The following SPRYD4 variants were observed in gnomAD, a reference collection of about 807,000 sequenced individuals.
SPRYD4 encodes the protein SPRY domain-containing protein 4.
In SPRYD4, 12 loss-of-function variants were observed where a neutral mutation model predicts 16.6. That is an observed-to-expected ratio of 0.72 (90% confidence interval 0.46 to 1.17). The LOEUF (loss-of-function observed/expected upper bound fraction) is 1.17. Ranked by LOEUF, SPRYD4 falls within the 50% of genes most tolerant of loss-of-function variation. The pLI is 0.00. For synonymous variants in SPRYD4, 98 were observed against 105.4 expected, an observed-to-expected ratio of 0.93 and a Z score of 0.43; for missense variants, 260 against 260.2, an observed-to-expected ratio of 1.00 and a Z score of 0.00.
Position 56,476,080 on chromosome 12 carries a change from G to A in SPRYD4, c.*6503G>A. 4 of 1,103,512 alleles carry A rather than the reference G, an allele frequency of 3.6e-6. No individual in the cohort carries two copies. The highest frequency in any genetic ancestry group is 1.5e-5 in the African/African-American group (1 of 65,058). The allele number at this position is 1,103,512 out of a possible 1,614,324, so 68.4% of individuals were successfully genotyped here. A position where few individuals can be genotyped will look rare whatever the true frequency, so the allele number is the denominator to read the frequency against. ...GTTCTAGTGTTAGTCTGGTCCTGCT[G>A]CTGCAAATGTGTTCAATTTTATAAT... On this transcript the variant is annotated 3_prime_UTR_variant, in exon 2 of 2. Transcript: ENST00000338146.
Position 56,477,890 on chromosome 12 carries a change from A to C in SPRYD4, c.*8313A>C, listed in dbSNP as rs1869962623. On this transcript the variant is annotated 3_prime_UTR_variant, in exon 2 of 2. Transcript: ENST00000338146. Reference sequence around the variant, plus strand: ...GGGAGATGGGGTGGGGATAAGGAGAAGGGGACAGCTGTAAGTACGGTCTGA... The same window carrying C: ...GGGAGATGGGGTGGGGATAAGGAGACGGGGACAGCTGTAAGTACGGTCTGA... 23 of 1,589,836 alleles carry C rather than the reference A, an allele frequency of 1.4e-5. No individual in the cohort carries two copies. Among genetic ancestry groups the C allele is most frequent in the Non-Finnish European group, 2.0e-5 (23 of 1,166,252 alleles).
At position 56,472,448 on chromosome 12, in the gene SPRYD4, TA is replaced by T; in HGVS notation, c.*2872del. ...TGGTAAGTGCCCATTTGAGGCAGGG[TA>T]CCTACTTCCTAGGACACTGCTCTTA... is the stretch of plus-strand genomic sequence containing the variant. On this transcript the variant is annotated 3_prime_UTR_variant, in exon 2 of 2. Transcript: ENST00000338146. 1.7e-6 allele frequency: 1 copy of T among 603,586 alleles called. No homozygotes were observed. The highest frequency in any genetic ancestry group is 2.8e-5 in the East Asian group (1 of 36,028). The allele number at this position is 603,586 out of a possible 1,614,324, so 37.4% of individuals were successfully genotyped here.
rs994016796 is a variant in SPRYD4 at position 56,471,158 on chromosome 12, C to G, written c.*1581C>G. ...AGAGTCCCTCCACCAGAGTATCTCTCTCATGATGGTTTCTTCAGGGAGAGG... is the reference window on the plus strand; with the variant it reads ...AGAGTCCCTCCACCAGAGTATCTCTGTCATGATGGTTTCTTCAGGGAGAGG... On this transcript the variant is annotated 3_prime_UTR_variant, in exon 2 of 2. Coordinates refer to ENST00000338146, the MANE Select transcript of SPRYD4 (RefSeq NM_207344.4). 2 of 426,326 alleles carry G rather than the reference C, an allele frequency of 4.7e-6. No homozygotes were observed. Among genetic ancestry groups the G allele is most frequent in the African/African-American group, 2.0e-5 (1 of 49,332 alleles). 26.4% of individuals were successfully genotyped at this position (426,326 alleles called of 1,614,324 possible). A position where few individuals can be genotyped will look rare whatever the true frequency, so the allele number is the denominator to read the frequency against.
rs1869955994 is a variant in SPRYD4 at position 56,477,832 on chromosome 12, C to A, written c.*8255C>A. 2.6e-6 allele frequency: 4 copies of A among 1,541,444 alleles called. No individual in the cohort carries two copies. The South Asian group carries it at 3.6e-5, about 14-fold the overall frequency. ...TGCTAGGGAGAAAGGCATGACAGGG[C>A]TAATCAGGAAGGGCAGAGAAACAAA... On this transcript the variant is annotated 3_prime_UTR_variant, in exon 2 of 2. Coordinates refer to ENST00000338146, the MANE Select transcript of SPRYD4 (RefSeq NM_207344.4).
rs1870005461 is a variant in SPRYD4 at position 56,478,310 on chromosome 12, A to G, written c.*8733A>G. Reference sequence around the variant, plus strand: ...AAGGGAGATGGATGTGGAGAAGAGGAACAGAGTTGAGGTTGAGGGTCAAGA... The same window carrying G: ...AAGGGAGATGGATGTGGAGAAGAGGGACAGAGTTGAGGTTGAGGGTCAAGA... On this transcript the variant is annotated 3_prime_UTR_variant, in exon 2 of 2. Transcript: ENST00000338146. 6.3e-7 allele frequency: 1 copy of G among 1,582,226 alleles called. No homozygotes were observed. The highest frequency in any genetic ancestry group is 8.7e-7 in the Non-Finnish European group (1 of 1,151,298).
rs1254038372 is a variant in SPRYD4 at position 56,474,511 on chromosome 12, C to T, written c.*4934C>T. On this transcript the variant is annotated 3_prime_UTR_variant, in exon 2 of 2. Coordinates refer to ENST00000338146, the MANE Select transcript of SPRYD4 (RefSeq NM_207344.4). ...TGTTCTCTCTTCTTAGCACTGGGCTCATGACAGATGGATAGCAGAGCCAGA... is the reference window on the plus strand; with the variant it reads ...TGTTCTCTCTTCTTAGCACTGGGCTTATGACAGATGGATAGCAGAGCCAGA... 3 of 1,612,096 alleles carry T rather than the reference C, an allele frequency of 1.9e-6. No homozygotes were observed. The highest frequency in any genetic ancestry group is 4.5e-5 in the East Asian group (2 of 44,880).
chr12:56,468,993 G>C (rs1450606390), intron 1 of SPRYD4, 46 bp from the exon 2 acceptor site: 9 of 1,517,716 alleles, frequency 5.9e-6, no homozygotes, highest in Middle Eastern at 2.2e-4. Flanking sequence ...ACCAGCCCTA[G>C]GGTTCTAGCC....
At position 56,469,935 on chromosome 12, in the gene SPRYD4, C is replaced by T. The variant is rs1398095910; in HGVS notation, c.*358C>T. On this transcript the variant is annotated 3_prime_UTR_variant, in exon 2 of 2. Coordinates refer to ENST00000338146, the MANE Select transcript of SPRYD4 (RefSeq NM_207344.4). ...TTTGAATTTATTAATCACCATGATA[C>T]CTCTCCCTCCCTTTGTCCACATGTA... The T allele has an allele frequency of 1.3e-5, 3 of 231,914 alleles. No individual in the cohort carries two copies. Among genetic ancestry groups the T allele is most frequent in the African/African-American group, 6.6e-5 (3 of 45,228 alleles). The allele number at this position is 231,914 out of a possible 1,614,324, so 14.4% of individuals were successfully genotyped here.
Position 56,472,574 on chromosome 12 carries a change from T to G in SPRYD4, c.*2997T>G. The stretch of plus-strand genomic sequence containing the variant: ...TTAAAAAAATTTCATTTAAATGCAA[T>G]CTATATCCATTCTAATTCCAAAGCT... On this transcript the variant is annotated 3_prime_UTR_variant, in exon 2 of 2. Coordinates refer to ENST00000338146, the MANE Select transcript of SPRYD4 (RefSeq NM_207344.4). 1.1e-6 allele frequency: 1 copy of G among 916,602 alleles called. No individual in the cohort carries two copies. 56.8% of individuals were successfully genotyped at this position (916,602 alleles called of 1,614,324 possible).
chr12:56,474,203 C>T lies in SPRYD4; in HGVS notation c.*4626C>T, dbSNP rs1482572749. ...TGCCTCCCAGGTTCAAGCACTTCTG[C>T]CTCAGCCTCCCAAGTAGCTGGGATT... is the stretch of plus-strand genomic sequence containing the variant. On this transcript the variant is annotated 3_prime_UTR_variant, in exon 2 of 2. Coordinates refer to ENST00000338146, the MANE Select transcript of SPRYD4 (RefSeq NM_207344.4). 6.5e-6 allele frequency: 2 copies of T among 308,814 alleles called. No homozygotes were observed. Among genetic ancestry groups the T allele is most frequent in the Admixed American group, 4.8e-5 (1 of 20,858 alleles). 19.1% of individuals were successfully genotyped at this position (308,814 alleles called of 1,614,324 possible). A position where few individuals can be genotyped will look rare whatever the true frequency, so the allele number is the denominator to read the frequency against.
chr12:56,473,081 A>G lies in SPRYD4; in HGVS notation c.*3504A>G, dbSNP rs1869453381. The G allele has an allele frequency of 8.4e-6, 6 of 715,172 alleles. No individual in the cohort carries two copies. Among genetic ancestry groups the G allele is most frequent in the South Asian group, 3.7e-5 (2 of 53,910 alleles). 44.3% of individuals were successfully genotyped at this position (715,172 alleles called of 1,614,324 possible). ...ATTTTTTGTATTTTCAATAGAGACC[A>G]GGTTTCACCGTGTTAGCCAGGATGG... On this transcript the variant is annotated 3_prime_UTR_variant, in exon 2 of 2. Transcript: ENST00000338146.
chr12:56,477,628 A>G lies in SPRYD4; in HGVS notation c.*8051A>G, dbSNP rs377272680. On this transcript the variant is annotated 3_prime_UTR_variant, in exon 2 of 2. Coordinates refer to ENST00000338146, the MANE Select transcript of SPRYD4 (RefSeq NM_207344.4). ...ACAGGAACACAGGAGCTTAGAGGAT[A>G]ATACCTATCAGAAGGTTAAGGTGGC... 21 of 1,599,508 alleles carry G rather than the reference A, an allele frequency of 1.3e-5. No homozygotes were observed. The African/African-American group carries it at 2.4e-4, about 18-fold the overall frequency.
rs773489074 is a variant in SPRYD4 at position 56,472,790 on chromosome 12, T to G, written c.*3213T>G. ...CATACCCACATGACATTAATTGAAC[T>G]CACCTATGCCAGCTGTGCCCTGTGA... On this transcript the variant is annotated 3_prime_UTR_variant, in exon 2 of 2. Transcript: ENST00000338146. The G allele has an allele frequency of 6.3e-7, 1 of 1,583,370 alleles. No individual in the cohort carries two copies. The highest frequency in any genetic ancestry group is 8.7e-7 in the Non-Finnish European group (1 of 1,153,066).
chr12:56,473,094 T>G lies in SPRYD4; in HGVS notation c.*3517T>G, dbSNP rs770950067. ...TCAATAGAGACCAGGTTTCACCGTG[T>G]TAGCCAGGATGGTCTTGATCTCCTG... On this transcript the variant is annotated 3_prime_UTR_variant, in exon 2 of 2. Coordinates refer to ENST00000338146, the MANE Select transcript of SPRYD4 (RefSeq NM_207344.4). 2.5e-6 allele frequency: 2 copies of G among 787,676 alleles called. No individual in the cohort carries two copies. The highest frequency in any genetic ancestry group is 4.1e-6 in the Non-Finnish European group (2 of 486,372). 48.8% of individuals were successfully genotyped at this position (787,676 alleles called of 1,614,324 possible). A position where few individuals can be genotyped will look rare whatever the true frequency, so the allele number is the denominator to read the frequency against.
Position 56,473,166 on chromosome 12 carries a change from GGCGTGA to G in SPRYD4, c.*3592_*3597del, listed in dbSNP as rs1869465742. The G allele has an allele frequency of 1.3e-6, 2 of 1,485,864 alleles. No homozygotes were observed. The highest frequency in any genetic ancestry group is 1.9e-6 in the Non-Finnish European group (2 of 1,065,632). The allele number at this position is 1,485,864 out of a possible 1,614,324, so 92.0% of individuals were successfully genotyped here. A position where few individuals can be genotyped will look rare whatever the true frequency, so the allele number is the denominator to read the frequency against. On this transcript the variant is annotated 3_prime_UTR_variant, in exon 2 of 2. Coordinates refer to ENST00000338146, the MANE Select transcript of SPRYD4 (RefSeq NM_207344.4). ...GGCCTCTCAAAGTGCAGGGATTACA[GGCGTGA>G]GCCACCGCACCTGGCCTTTGAAATA... is the stretch of plus-strand genomic sequence containing the variant.
Position 56,473,021 on chromosome 12 carries a change from C to A in SPRYD4, c.*3444C>A. The A allele has an allele frequency of 1.7e-6, 1 of 600,976 alleles. No homozygotes were observed. Among genetic ancestry groups the A allele is most frequent in the South Asian group, 2.0e-5 (1 of 48,824 alleles). 37.2% of individuals were successfully genotyped at this position (600,976 alleles called of 1,614,324 possible). ...TCTCCTGCCTCAGCCTCCCAAGTAG[C>A]TGGGACCACAGGCGCGTGCCACCAC... On this transcript the variant is annotated 3_prime_UTR_variant, in exon 2 of 2. Transcript: ENST00000338146.
chr12:56,468,934 C>T (rs1380769318), intron 1 of SPRYD4, 105 bp from the exon 2 acceptor site: 1 of 1,395,818 alleles, frequency 7.2e-7, no homozygotes, highest in African/African-American at 1.4e-5. Context: ...TCTGACTCTT[C>T]CCTAGTTGCT....
In SPRYD4 at chr12:56,474,767, G is replaced by C; in HGVS notation, c.*5190G>C. ...GAAGATGTGACGTGAACCTGCACATGGGACCCTCGGGTGTAGGGAAAGGGC... is the reference window on the plus strand; with the variant it reads ...GAAGATGTGACGTGAACCTGCACATCGGACCCTCGGGTGTAGGGAAAGGGC... On this transcript the variant is annotated 3_prime_UTR_variant, in exon 2 of 2. Transcript: ENST00000338146. The C allele has an allele frequency of 6.2e-7, 1 of 1,611,484 alleles. No homozygotes were observed. Among genetic ancestry groups the C allele is most frequent in the Admixed American group, 1.7e-5 (1 of 59,894 alleles).
rs1203745321 is a variant in SPRYD4 at position 56,479,417 on chromosome 12, A to G, written c.*9840A>G. On this transcript the variant is annotated 3_prime_UTR_variant, in exon 2 of 2. Coordinates refer to ENST00000338146, the MANE Select transcript of SPRYD4 (RefSeq NM_207344.4). ...TCTTGGGATATGAGAAAAAAAATAA[A>G]TACCAGAATAATATGTATGTATGTT... 8 of 479,416 alleles carry G rather than the reference A, an allele frequency of 1.7e-5. No individual in the cohort carries two copies. The highest frequency in any genetic ancestry group is 2.5e-5 in the Non-Finnish European group (7 of 277,476). The allele number at this position is 479,416 out of a possible 1,614,324, so 29.7% of individuals were successfully genotyped here. A position where few individuals can be genotyped will look rare whatever the true frequency, so the allele number is the denominator to read the frequency against.
Sources: allele counts gnomAD v4.1 joint callset, GRCh38; gene constraint gnomAD v4.1.1; transcripts MANE v1.5; gene names NCBI Gene and HGNC (gene_info 2026-07-23, HGNC 2026-07-21).